The following STARD13 variants were observed in gnomAD, a reference collection of about 807,000 sequenced individuals.
STARD13 encodes StAR related lipid transfer domain containing 13, also known as stAR-related lipid transfer protein 13.
In STARD13, 62 loss-of-function variants were observed where a neutral mutation model predicts 106.4. The observed-to-expected ratio is 0.58, with a 90% CI of 0.48 to 0.72. The LOEUF (loss-of-function observed/expected upper bound fraction) is 0.72, where lower values mean the gene tolerates loss of function less well. Among genes scored for constraint, STARD13 ranks in the 30% least tolerant of loss-of-function variants. STARD13 has a pLI of 0.00. For synonymous variants in STARD13, 565 were observed against 553.0 expected (o/e 1.02, Z -0.31); for missense variants, 1,387 against 1,424.0 (o/e 0.97, Z 0.42).
the STARD13 span, among the ~76,000 whole-genome samples, chr13:33,544,944 T>TA: frequency 5.5e-4 from 84 of 151,666 alleles, no homozygotes; most frequent in African/African-American, 1.9e-3. Context: ...TGGCTAATTT[T>TA]TTTGTTTTAT....
intron 1 of STARD13, chr13:33,276,306 G>T (rs894129053): frequency 1.3e-5 from 2 of 152,184 alleles, no homozygotes; most frequent in African/African-American, 4.8e-5. Context: ...TAAGGGCCTT[G>T]CGATGGATTT....
the STARD13 span, among the ~76,000 whole-genome samples, chr13:33,490,363 T>C: frequency 6.6e-6 from 1 of 152,142 alleles, no homozygotes; most frequent in Non-Finnish European, 1.5e-5. Context: ...TATTCCTGTT[T>C]TCGCGCTCCT....
chr13:33,183,955 T>C (rs951853291), intron 1 of STARD13, among the ~76,000 whole-genome samples: 5 of 152,292 alleles, frequency 3.3e-5, no homozygotes, highest in South Asian at 2.1e-4. Flanking sequence ...TCCTTTCCCT[T>C]GAAATGTAAC....
At chr13:33,662,133 G>A in the STARD13 span, among the ~76,000 whole-genome samples, 1 of 151,628 alleles carries the variant, frequency 6.6e-6, no homozygotes, top group African/African-American at 2.4e-5. Context: ...GTGGTGGTGG[G>A]CGCCTATAAT....
chr13:33,469,220 A>G, the STARD13 span, among the ~76,000 whole-genome samples: 1 of 152,212 alleles, frequency 6.6e-6, no homozygotes. Context: ...TGGATTCTGC[A>G]TAGTTCAGGA....
At chr13:33,523,189 G>C in the STARD13 span, among the ~76,000 whole-genome samples, 9 of 152,170 alleles carry the variant, frequency 5.9e-5, no homozygotes, top group African/African-American at 2.2e-4. Context: ...GATGGGAGGA[G>C]GAAGAAATTG....
chr13:33,403,206 C>G, the STARD13 span, among the ~76,000 whole-genome samples: 3 of 152,202 alleles, frequency 2.0e-5, no homozygotes, highest in East Asian at 1.9e-4. Context: ...TGAGCAACAA[C>G]GATGACCGAA....
chr13:33,201,372 G>C (rs1214306025), intron 1 of STARD13, among the ~76,000 whole-genome samples: 4 of 152,206 alleles, frequency 2.6e-5, no homozygotes, highest in Non-Finnish European at 4.4e-5. Context: ...TTTTGTCAGT[G>C]ATTATTTCCG....
chr13:33,540,528 T>C, the STARD13 span, among the ~76,000 whole-genome samples: 9 of 152,196 alleles, frequency 5.9e-5, no homozygotes, highest in Admixed American at 1.3e-4. Context: ...ACTTAGAACT[T>C]CTAGCAATTT....
chr13:33,541,588 T>C, the STARD13 span, among the ~76,000 whole-genome samples: 1 of 152,236 alleles, frequency 6.6e-6, no homozygotes, highest in Non-Finnish European at 1.5e-5. Context: ...GGACAATCTT[T>C]CTTATATCCT....
chr13:33,666,573 G>A, the STARD13 span, among the ~76,000 whole-genome samples: 1 of 152,058 alleles, frequency 6.6e-6, no homozygotes, highest in Non-Finnish European at 1.5e-5. Context: ...GGGATCACAG[G>A]CGTGAGCCAC....
intron 1 of STARD13, among the ~76,000 whole-genome samples, chr13:33,262,176 C>A (rs9536928): frequency 0.099 from 15,083 of 152,226 alleles, 1,098 homozygotes; most frequent in Admixed American, 0.25. Context: ...TTATCCAAGG[C>A]CGAATGAAGC....
intron 1 of STARD13, among the ~76,000 whole-genome samples, chr13:33,314,890 A>G (rs542257190): frequency 2.0e-5 from 3 of 152,338 alleles, no homozygotes; most frequent in Admixed American, 2.0e-4. Context: ...CTGATAATAT[A>G]ATCTATGGAG....
the STARD13 span, among the ~76,000 whole-genome samples, chr13:33,533,684 G>A: frequency 6.6e-6 from 1 of 152,074 alleles, no homozygotes; most frequent in African/African-American, 2.4e-5. Context: ...AAGATCACAT[G>A]CAAATTTAAA....
chr13:33,386,381 G>A, the STARD13 span, among the ~76,000 whole-genome samples: 3 of 152,228 alleles, frequency 2.0e-5, no homozygotes, highest in South Asian at 2.1e-4. Context: ...AAGAGAAAAT[G>A]TCTTACATGC....
chr13:33,201,798 C>T (rs1175676260), intron 1 of STARD13, among the ~76,000 whole-genome samples: 2 of 152,130 alleles, frequency 1.3e-5, no homozygotes, highest in South Asian at 2.1e-4. Context: ...AGAAGTTGCT[C>T]AACTTGATTG....
the STARD13 span, among the ~76,000 whole-genome samples, chr13:33,440,508 C>G: frequency 1.3e-5 from 2 of 151,714 alleles, no homozygotes; most frequent in South Asian, 4.2e-4. Context: ...CATGCTGTCC[C>G]TGCTGTCTTT....
chr13:33,506,926 A>C, the STARD13 span, among the ~76,000 whole-genome samples: 2 of 152,100 alleles, frequency 1.3e-5, no homozygotes, highest in Non-Finnish European at 2.9e-5. Flanking sequence ...TGCCTGTGCA[A>C]CATAGTGAGA....
chr13:33,495,678 G>T, the STARD13 span, among the ~76,000 whole-genome samples: 1 of 151,456 alleles, frequency 6.6e-6, no homozygotes, highest in Non-Finnish European at 1.5e-5. Context: ...GAATTGTTTT[G>T]TATTACTCTC....
Sources: gnomAD v4.1 joint callset for allele counts (sites outside exome capture counted in the v4.1 genomes callset) on GRCh38, gnomAD v4.1.1 for gene constraint, MANE v1.5 for transcripts, NCBI Gene and HGNC (gene_info 2026-07-23, HGNC 2026-07-21) for gene names.